Variants in RAP1GAP observed in about 807,000 individuals in gnomAD.
RAP1GAP encodes the protein RAP1 GTPase activating protein.
In RAP1GAP, 35 loss-of-function variants were observed where a neutral mutation model predicts 87.2. That is an observed-to-expected ratio of 0.40 (90% CI 0.31 to 0.53). The LOEUF (loss-of-function observed/expected upper bound fraction) is 0.53. Ranked by LOEUF, RAP1GAP falls within the 20% of genes least tolerant of loss-of-function variation. The pLI is 0.48. For missense variants in RAP1GAP, 734 were observed against 898.9 expected, an observed-to-expected ratio of 0.82 and a Z score of 2.35; for synonymous variants, 375 against 363.9, an observed-to-expected ratio of 1.03 and a Z score of -0.35.
In RAP1GAP at chr1:21,615,486, G is replaced by C. The variant is rs1208126174; in HGVS notation, c.292-1397C>G. Among the ~76,000 whole-genome samples the C allele has an allele frequency of 6.6e-6, 1 of 152,070 alleles. No individual in the cohort carries two copies. Among genetic ancestry groups the C allele is most frequent in the African/African-American group, 2.4e-5 (1 of 41,382 alleles). ...AGCTCACTGCAATCTCCACCTCCCA[G>C]GTTCAAGCGATTCTCCTGCCTCAGC... On this transcript the variant is annotated intron_variant, in intron 7 of 24. Coordinates refer to ENST00000374765, the MANE Select transcript of RAP1GAP (RefSeq NM_002885.4). The surrounding 1 kb of genome is among the most constrained non-coding windows in gnomAD (Gnocchi z 4.5).
At chr1:21,611,691 C>T in intron 12 of RAP1GAP, 25 bp downstream of exon 12, 1 of 1,612,022 alleles carries the variant, frequency 6.2e-7, no homozygotes, top group South Asian at 1.1e-5. Context: ...AGATTACACT[C>T]TGCTCAGCCC....
intron 1 of RAP1GAP, among the ~76,000 whole-genome samples, chr1:21,659,534 C>T (rs1165721687): frequency 6.6e-6 from 1 of 152,208 alleles, no homozygotes; most frequent in East Asian, 1.9e-4. Flanking sequence ...CGCCCGCCCA[C>T]TGTGCTCTCG....
intron 14 of RAP1GAP, 38 bp downstream of exon 14, chr1:21,610,082 C>T (rs755899899): frequency 6.2e-7 from 1 of 1,606,534 alleles, no homozygotes; most frequent in Non-Finnish European, 8.5e-7. Flanking sequence ...CAGCCAGGGC[C>T]CTTGCTGATG....
intron 1 of RAP1GAP, among the ~76,000 whole-genome samples, chr1:21,653,703 A>T (rs942936925): frequency 1.3e-5 from 2 of 151,268 alleles, no homozygotes; most frequent in Non-Finnish European, 2.9e-5. Context: ...GGCCTCTCAG[A>T]GAGGTGGGAG....
intron 2 of RAP1GAP, among the ~76,000 whole-genome samples, chr1:21,645,633 G>A (rs2095979804): frequency 6.6e-6 from 1 of 152,250 alleles, no homozygotes; most frequent in South Asian, 2.1e-4. Flanking sequence ...AGGAGGCCTT[G>A]GCATTTGCCT....
intron 2 of RAP1GAP, among the ~76,000 whole-genome samples, chr1:21,638,229 AG>A (rs2095114308): frequency 6.6e-6 from 1 of 151,918 alleles, no homozygotes; most frequent in Admixed American, 6.6e-5. Context: ...AGGCCAAGTC[AG>A]GTGGATCACT....
intron 1 of RAP1GAP, among the ~76,000 whole-genome samples, chr1:21,657,159 A>C (rs2096899299): frequency 6.6e-6 from 1 of 152,244 alleles, no homozygotes; most frequent in Non-Finnish European, 1.5e-5. Flanking sequence ...TGTAGAGATC[A>C]CATCAAGATC....
chr1:21,631,269 T>A (rs181734431), intron 2 of RAP1GAP, among the ~76,000 whole-genome samples: 1 of 152,220 alleles, frequency 6.6e-6, no homozygotes, highest in Non-Finnish European at 1.5e-5. Flanking sequence ...GCCCAGAGCA[T>A]GCCGGGACAT....
At position 21,610,097 on chromosome 1, in the gene RAP1GAP, T is replaced by G. The variant is rs1338705483; in HGVS notation, c.999+23A>C. The G allele has an allele frequency of 3.1e-6, 5 of 1,612,034 alleles. No individual in the cohort carries two copies. The East Asian group carries it at 8.9e-5, about 29-fold the overall frequency. On this transcript the variant is annotated intron_variant, in intron 14 of 24. Transcript: ENST00000374765. The stretch of plus-strand genomic sequence containing the variant: ...CAGCCAGGGCCCTTGCTGATGCCCC[T>G]GGGAGGCTCCAAGAGCGCCCACCTT...
intron 4 of RAP1GAP, 67 bp downstream of exon 4, chr1:21,619,948 A>T: frequency 6.5e-7 from 1 of 1,536,322 alleles, no homozygotes; most frequent in Non-Finnish European, 9.0e-7. Flanking sequence ...AGATGCAGCA[A>T]GGGCCCCCCA....
Position 21,603,166 on chromosome 1 carries a change from A to G in RAP1GAP, c.1429-253T>C, listed in dbSNP as rs2070510078. On this transcript the variant is annotated intron_variant, in intron 18 of 24. Transcript: ENST00000374765. This position sits in a 1 kb window ranked among gnomAD's most constrained non-coding sequence, Gnocchi z 6.0. ...AATACTGGCCCAGGATTAGGACAGCATCCTGAGGGGGCTAGGGTGGGAGGA... is the reference window on the plus strand; with the variant it reads ...AATACTGGCCCAGGATTAGGACAGCGTCCTGAGGGGGCTAGGGTGGGAGGA... 2.0e-6 allele frequency: 1 copy of G among 490,722 alleles called. No individual in the cohort carries two copies. 30.4% of individuals were successfully genotyped at this position (490,722 alleles called of 1,614,324 possible). A position where few individuals can be genotyped will look rare whatever the true frequency, so the allele number is the denominator to read the frequency against.
intron 2 of RAP1GAP, among the ~76,000 whole-genome samples, chr1:21,638,309 C>T (rs4654761): frequency 0.91 from 138,850 of 151,920 alleles, 63,511 homozygotes; most frequent in East Asian, 0.97. Context: ...AATACAAAAT[C>T]AGCCGGACAT....
intron 17 of RAP1GAP, among the ~76,000 whole-genome samples, chr1:21,607,148 T>C (rs1182637117): frequency 1.3e-5 from 2 of 152,142 alleles, no homozygotes; most frequent in East Asian, 1.9e-4. Context: ...TGGGCAGTTA[T>C]CCTCCTGTGG....
chr1:21,628,565 C>T (rs1018071407), intron 2 of RAP1GAP, among the ~76,000 whole-genome samples: 1 of 152,012 alleles, frequency 6.6e-6, no homozygotes, highest in East Asian at 1.9e-4. Context: ...ACTAAAAATG[C>T]AAAAATTAAC....
At chr1:21,618,743 G>C (rs944804528) in intron 5 of RAP1GAP, among the ~76,000 whole-genome samples, 3 of 152,154 alleles carry the variant, frequency 2.0e-5, no homozygotes, top group African/African-American at 7.2e-5. Flanking sequence ...CGCCTGGAGA[G>C]GCAGGGGGAG....
chr1:21,626,963 C>G (rs1410189201), intron 2 of RAP1GAP: 1 of 456,722 alleles, frequency 2.2e-6, no homozygotes, highest in Non-Finnish European at 4.4e-6. Context: ...CAGCTGTGCA[C>G]AGAGGTCACA....
Position 21,599,475 on chromosome 1 carries a change from A to G in RAP1GAP, c.1776+19T>C. 1.3e-6 allele frequency: 2 copies of G among 1,599,332 alleles called. No individual in the cohort carries two copies. Among genetic ancestry groups the G allele is most frequent in the Non-Finnish European group, 1.7e-6 (2 of 1,176,114 alleles). ...CTTCCAAGCTCCTGTGGGGCCCCTG[A>G]CCCCCCTGAGCCTCTCACCAGGCCT... On this transcript the variant is annotated intron_variant, in intron 21 of 24. Transcript: ENST00000374765.
chr1:21,619,150 G>C, intron 4 of RAP1GAP, 78 bp from the exon 5 acceptor site: 1 of 1,474,930 alleles, frequency 6.8e-7, no homozygotes, highest in Non-Finnish European at 9.2e-7. Flanking sequence ...GGCGTGCAAG[G>C]GGAAAGCCCT....
At chr1:21,651,617 C>A (rs747992191) in intron 1 of RAP1GAP, 6 of 742,982 alleles carry the variant, frequency 8.1e-6, no homozygotes, top group Non-Finnish European at 1.2e-5. Flanking sequence ...GGCGCCACAG[C>A]ACGACAGCCA....
Sources: allele counts gnomAD v4.1 joint callset (sites outside exome capture counted in the v4.1 genomes callset), GRCh38; gene constraint gnomAD v4.1.1; non-coding constraint Gnocchi (gnomAD v3.1); transcripts MANE v1.5; gene names NCBI Gene and HGNC (gene_info 2026-07-23, HGNC 2026-07-21).